HDAC9: variants seen among roughly 807,000 people sequenced by gnomAD.
HDAC9 encodes the protein MEF-2 interacting transcription repressor (MITR) protein.
A neutral mutation model predicts 139.4 loss-of-function variants in HDAC9; 41 were observed. The ratio of observed to expected loss-of-function variants is 0.29; its 90% CI spans 0.23 to 0.38. The LOEUF is 0.38. Ranked by LOEUF, HDAC9 falls within the 10% of genes least tolerant of loss-of-function variation. The pLI, the probability that HDAC9 is intolerant of heterozygous loss-of-function variation, is 1.00. For synonymous variants in HDAC9, 517 were observed against 476.2 expected (o/e 1.09, Z -1.12); for missense variants, 1,147 against 1,297.0 (o/e 0.88, Z 1.78).
chr7:18,183,299 G>A (rs986325754), intron 2 of HDAC9, among the ~76,000 whole-genome samples: 3 of 152,128 alleles, frequency 2.0e-5, no homozygotes, highest in Non-Finnish European at 4.4e-5. Flanking sequence ...GTGAGCCACG[G>A]CGCCCAGCCA....
intron 17 of HDAC9, among the ~76,000 whole-genome samples, chr7:18,828,662 A>G (rs1795633134): frequency 6.6e-6 from 1 of 152,098 alleles, no homozygotes; most frequent in Admixed American, 6.6e-5. Flanking sequence ...TTTTGTGTCT[A>G]TGTGAGTGTG....
chr7:18,446,195 C>T (rs1012415404), intron 1 of HDAC9, among the ~76,000 whole-genome samples: 1 of 152,206 alleles, frequency 6.6e-6, no homozygotes, highest in Non-Finnish European at 1.5e-5. Flanking sequence ...CACAGAACTT[C>T]CACTAAAGTG....
At chr7:18,567,874 A>G (rs1290992380) in intron 2 of HDAC9, among the ~76,000 whole-genome samples, 2 of 151,940 alleles carry the variant, frequency 1.3e-5, no homozygotes, top group Non-Finnish European at 2.9e-5. Context: ...AGAATAAACT[A>G]TATCAACCCA....
At chr7:18,795,512 G>T (rs1005395722) in intron 17 of HDAC9, among the ~76,000 whole-genome samples, 1 of 152,098 alleles carries the variant, frequency 6.6e-6, no homozygotes, top group East Asian at 1.9e-4. Flanking sequence ...CATCCCAAGC[G>T]GTAGATATTC....
At chr7:18,234,097 A>G (rs1213258068) in intron 2 of HDAC9, among the ~76,000 whole-genome samples, 1 of 152,214 alleles carries the variant, frequency 6.6e-6, no homozygotes, top group African/African-American at 2.4e-5. Flanking sequence ...GTGTTAGATT[A>G]CGTAGTTGTG....
intron 1 of HDAC9, among the ~76,000 whole-genome samples, chr7:18,090,520 A>G (rs1583977692): frequency 6.6e-6 from 1 of 152,310 alleles, no homozygotes; most frequent in African/African-American, 2.4e-5. Context: ...GCCTCACCCT[A>G]TCAACTACCT....
intron 1 of HDAC9, among the ~76,000 whole-genome samples, chr7:18,430,117 C>T (rs1196245663): frequency 6.6e-6 from 1 of 152,154 alleles, no homozygotes; most frequent in Non-Finnish European, 1.5e-5. Context: ...ACAAAGTACG[C>T]AAAGCCAGGA....
intron 2 of HDAC9, among the ~76,000 whole-genome samples, chr7:18,249,502 C>CAAAAAAAAAAAAAAA (rs3058733): frequency 1.7e-5 from 1 of 58,590 alleles, no homozygotes; most frequent in Non-Finnish European, 3.8e-5. Flanking sequence ...GACTCTGTCT[C>CAAAAAAAAAAAAAAA]AAAAAAAAAA....
At chr7:18,279,022 ATAAAT>A (rs1314730210) in intron 2 of HDAC9, among the ~76,000 whole-genome samples, 4 of 152,220 alleles carry the variant, frequency 2.6e-5, no homozygotes, top group Admixed American at 6.5e-5. Context: ...CATTTTGGAA[ATAAAT>A]TAGAAAGATA....
intron 1 of HDAC9, among the ~76,000 whole-genome samples, chr7:18,345,647 A>G (rs1370223702): frequency 6.6e-6 from 1 of 151,558 alleles, no homozygotes; most frequent in Non-Finnish European, 1.5e-5. Flanking sequence ...CCTGGAACAT[A>G]CATAGAAAGA....
intron 2 of HDAC9, among the ~76,000 whole-genome samples, chr7:18,217,912 A>G (rs1331358987): frequency 6.6e-6 from 1 of 152,114 alleles, no homozygotes; most frequent in Non-Finnish European, 1.5e-5. Context: ...TGTCTCTCCT[A>G]AAGTAGTAGT....
intron 1 of HDAC9, among the ~76,000 whole-genome samples, chr7:18,311,672 G>T (rs1799327164): frequency 6.6e-6 from 1 of 152,088 alleles, no homozygotes; most frequent in South Asian, 2.1e-4. Context: ...GTCTTACCTA[G>T]TCAGCTCCTT....
At chr7:18,819,358 T>C (rs1378520731) in intron 17 of HDAC9, among the ~76,000 whole-genome samples, 1 of 152,244 alleles carries the variant, frequency 6.6e-6, no homozygotes, top group Non-Finnish European at 1.5e-5. Flanking sequence ...ATTTGCTTAC[T>C]GCCTGCCCTT....
intron 2 of HDAC9, among the ~76,000 whole-genome samples, chr7:18,253,544 G>A (rs1795058189): frequency 6.6e-6 from 1 of 152,022 alleles, no homozygotes; most frequent in East Asian, 1.9e-4. Context: ...GGCCACATGT[G>A]TGTCTTCTTT....
chr7:18,144,576 T>A (rs368598866), intron 1 of HDAC9, among the ~76,000 whole-genome samples: 22 of 152,208 alleles, frequency 1.4e-4, no homozygotes, highest in African/African-American at 5.3e-4. Context: ...CCTCCTCTGC[T>A]ATATGCACCA....
intron 1 of HDAC9, among the ~76,000 whole-genome samples, chr7:18,416,943 A>G (rs10268333): frequency 0.05 from 7,660 of 152,016 alleles, 356 homozygotes; most frequent in East Asian, 0.2. Context: ...ATTTTGGTCA[A>G]GTTTTCTTTA....
At chr7:18,103,560 A>C (rs557527856) in intron 1 of HDAC9, among the ~76,000 whole-genome samples, 31 of 152,250 alleles carry the variant, frequency 2.0e-4, no homozygotes, top group African/African-American at 7.5e-4. Context: ...CAGAGTTGCC[A>C]TAACAGCTTG....
At chr7:18,371,163 C>G (rs1164601524) in intron 1 of HDAC9, among the ~76,000 whole-genome samples, 1 of 152,132 alleles carries the variant, frequency 6.6e-6, no homozygotes, top group Non-Finnish European at 1.5e-5. Flanking sequence ...GCTAAACAAA[C>G]CTTGCCAGTT....
intron 1 of HDAC9, among the ~76,000 whole-genome samples, chr7:18,429,902 T>C (rs973971970): frequency 1.3e-5 from 2 of 152,220 alleles, no homozygotes; most frequent in African/African-American, 4.8e-5. Context: ...TTCAGTTACA[T>C]TCAACCAGCA....
Sources: allele counts gnomAD v4.1 joint callset (sites outside exome capture counted in the v4.1 genomes callset), GRCh38; gene constraint gnomAD v4.1.1; transcripts MANE v1.5; gene names NCBI Gene and HGNC (gene_info 2026-07-23, HGNC 2026-07-21).